The following RBPJ variants were observed in gnomAD, a reference collection of about 807,000 sequenced individuals.
The protein encoded by RBPJ is recombination signal binding protein for immunoglobulin kappa J region, also known as recombining binding protein suppressor of hairless.
Under a neutral mutation model 67.8 loss-of-function variants are expected in RBPJ, and 9 were observed. The ratio of observed to expected loss-of-function variants is 0.13; its 90% CI spans 0.08 to 0.23. RBPJ has a LOEUF of 0.23. Ranked by LOEUF, RBPJ falls within the 10% of genes least tolerant of loss-of-function variation. The probability of loss-of-function intolerance (pLI) is 1.00; values close to 1 mark genes in which losing one functional copy is unlikely to be tolerated. For missense variants in RBPJ, 305 were observed against 595.6 expected (o/e 0.51, Z 5.08); for synonymous variants, 198 against 203.3 (o/e 0.97, Z 0.22).
intron 2 of RBPJ, among the ~76,000 whole-genome samples, chr4:26,405,755 G>A (rs1384857843): frequency 6.6e-6 from 1 of 152,058 alleles, no homozygotes; most frequent in Non-Finnish European, 1.5e-5. Context: ...GAAAAACATT[G>A]CTTCCGATAG....
upstream of RBPJ, among the ~76,000 whole-genome samples, chr4:26,315,167 A>AAAAAATATATAT (rs1325689348): frequency 1.1e-4 from 8 of 74,738 alleles, no homozygotes; most frequent in African/African-American, 2.7e-4. Context: ...AAAAAAAAAA[A>AAAAAATATATAT]ATATATATAT....
At chr4:26,125,268 G>A in the RBPJ span, among the ~76,000 whole-genome samples, 1 of 152,114 alleles carries the variant, frequency 6.6e-6, no homozygotes, top group Non-Finnish European at 1.5e-5. Context: ...CCCCTCATGG[G>A]GCACCCTGTG....
chr4:26,316,358 TAC>T (rs1722613960), upstream of RBPJ, among the ~76,000 whole-genome samples: 1 of 146,780 alleles, frequency 6.8e-6, no homozygotes, highest in Non-Finnish European at 1.5e-5. Context: ...TATTCATATA[TAC>T]ATTCATATAT....
At chr4:26,325,149 C>T (rs1352873568) in intron 1 of RBPJ, among the ~76,000 whole-genome samples, 1 of 152,138 alleles carries the variant, frequency 6.6e-6, no homozygotes, top group Non-Finnish European at 1.5e-5. Flanking sequence ...TCTCACCAGC[C>T]TTTACATTTA....
At chr4:26,211,591 T>C (rs1718423457) in intron 1 of RBPJ, among the ~76,000 whole-genome samples, 1 of 152,222 alleles carries the variant, frequency 6.6e-6, no homozygotes, top group African/African-American at 2.4e-5. Flanking sequence ...GTATGATTTA[T>C]TGAGAGCCTT....
At chr4:26,150,338 T>C in the RBPJ span, among the ~76,000 whole-genome samples, 6 of 152,128 alleles carry the variant, frequency 3.9e-5, no homozygotes, top group African/African-American at 1.4e-4. Flanking sequence ...ATGGCCAAGA[T>C]CTCACTTCAG....
chr4:26,382,977 A>G (rs1244800909), intron 1 of RBPJ, among the ~76,000 whole-genome samples: 2 of 152,250 alleles, frequency 1.3e-5, no homozygotes, highest in African/African-American at 2.4e-5. Flanking sequence ...TTGCATATGC[A>G]TTAGAAAGAT....
At chr4:26,211,238 T>C (rs1718412650) in intron 1 of RBPJ, among the ~76,000 whole-genome samples, 1 of 152,172 alleles carries the variant, frequency 6.6e-6, no homozygotes, top group African/African-American at 2.4e-5. Context: ...ATATGCCTAG[T>C]AGCACTTTTC....
chr4:26,111,730 AG>A, the RBPJ span: 4 of 152,380 alleles, frequency 2.6e-5, 1 homozygote, highest in African/African-American at 9.6e-5. Flanking sequence ...AACAAGTTTA[AG>A]AGAGAGAACC....
chr4:26,139,154 A>G, the RBPJ span, among the ~76,000 whole-genome samples: 10 of 152,224 alleles, frequency 6.6e-5, no homozygotes, highest in African/African-American at 2.2e-4. Context: ...CACAGACCCA[A>G]TCTCTGGTTC....
chr4:26,269,439 A>G (rs989717245), intron 1 of RBPJ, among the ~76,000 whole-genome samples: 6 of 151,950 alleles, frequency 3.9e-5, no homozygotes, highest in African/African-American at 1.5e-4. Flanking sequence ...TATTTTTAGT[A>G]GAGACAGGGT....
At chr4:26,391,343 G>A (rs1403747523) in intron 2 of RBPJ, among the ~76,000 whole-genome samples, 2 of 152,156 alleles carry the variant, frequency 1.3e-5, no homozygotes, top group East Asian at 3.9e-4. Context: ...CTTCAGATAC[G>A]TGGTCAGTTA....
intron 1 of RBPJ, among the ~76,000 whole-genome samples, chr4:26,270,359 A>G (rs148005335): frequency 2.1e-4 from 3 of 14,382 alleles, no homozygotes; most frequent in East Asian, 8.9e-4. Flanking sequence ...GAGCAAGAGA[A>G]AGAAAGAAAG....
chr4:26,244,193 ATG>A (rs1482715804), intron 1 of RBPJ, among the ~76,000 whole-genome samples: 4 of 146,894 alleles, frequency 2.7e-5, no homozygotes, highest in Non-Finnish European at 6.0e-5. Context: ...GTATACATAT[ATG>A]TGTCTATATA....
chr4:26,361,555 C>T (rs565674210), intron 1 of RBPJ, among the ~76,000 whole-genome samples: 3 of 152,070 alleles, frequency 2.0e-5, no homozygotes, highest in South Asian at 2.1e-4. Flanking sequence ...TTTTCATCTA[C>T]GTCTTTCCTA....
chr4:26,284,260 G>T (rs1038710097), intron 1 of RBPJ, among the ~76,000 whole-genome samples: 1 of 152,108 alleles, frequency 6.6e-6, no homozygotes, highest in African/African-American at 2.4e-5. Flanking sequence ...ATGCTCTAAT[G>T]TATTTCCTTA....
chr4:26,161,288 C>T (rs1328285721), upstream of RBPJ, among the ~76,000 whole-genome samples: 1 of 152,204 alleles, frequency 6.6e-6, no homozygotes, highest in Non-Finnish European at 1.5e-5. Flanking sequence ...ATCAGGCAGC[C>T]CCAGCCAAGC....
chr4:26,142,757 A>AGT, the RBPJ span, among the ~76,000 whole-genome samples: 20 of 151,582 alleles, frequency 1.3e-4, 1 homozygote, highest in South Asian at 6.3e-4. Flanking sequence ...GTCTATTTTG[A>AGT]GTGTGTGTGT....
intron 1 of RBPJ, among the ~76,000 whole-genome samples, chr4:26,213,934 G>A (rs1718524067): frequency 6.6e-6 from 1 of 152,152 alleles, no homozygotes; most frequent in Middle Eastern, 3.2e-3. Context: ...TGGCAAAGGG[G>A]AAAATAAGGG....
Sources: allele counts gnomAD v4.1 joint callset (sites outside exome capture counted in the v4.1 genomes callset), GRCh38; gene constraint gnomAD v4.1.1; transcripts MANE v1.5; gene names NCBI Gene and HGNC (gene_info 2026-07-23, HGNC 2026-07-21).